The following NUCB2 variants were observed in gnomAD, a reference collection of about 807,000 sequenced individuals.
NUCB2 encodes nucleobindin-2.
Under a neutral mutation model 57.9 loss-of-function variants are expected in NUCB2, and 48 were observed. The observed-to-expected ratio is 0.83, with a 90% CI of 0.66 to 1.05. NUCB2 has a LOEUF of 1.05. Among genes scored for constraint, NUCB2 ranks in the 50% least tolerant of loss-of-function variants. The pLI is 0.00. For missense variants in NUCB2, 442 were observed against 476.2 expected, an observed-to-expected ratio of 0.93 and a Z score of 0.67; for synonymous variants, 139 against 152.1, an observed-to-expected ratio of 0.91 and a Z score of 0.64.
At chr11:17,314,625 C>G (rs992022203) in intron 10 of NUCB2, among the ~76,000 whole-genome samples, 2 of 152,134 alleles carry the variant, frequency 1.3e-5, no homozygotes, top group African/African-American at 4.8e-5. Context: ...AATGACTACG[C>G]TCATTTAAAT....
At chr11:17,308,269 A>G (rs1338132220) in intron 5 of NUCB2, among the ~76,000 whole-genome samples, 1 of 152,178 alleles carries the variant, frequency 6.6e-6, no homozygotes, top group Non-Finnish European at 1.5e-5. Context: ...ATTTTAGATC[A>G]AGAGCTGGCA....
At chr11:17,337,430 C>T (rs1046204340) in exon 2 of NUCB2, 2 of 152,138 alleles carry the variant, frequency 1.3e-5, no homozygotes, top group African/African-American at 4.8e-5. Flanking sequence ...GGATTTTTAT[C>T]CCCTGAAGAA....
At chr11:17,329,652 A>G (rs1228330488) in intron 11 of NUCB2, among the ~76,000 whole-genome samples, 1 of 152,182 alleles carries the variant, frequency 6.6e-6, no homozygotes, top group East Asian at 1.9e-4. Flanking sequence ...GTCTGCCACG[A>G]GGGAATGGGA....
At chr11:17,341,577 G>C (rs1267533316) in intron 2 of NUCB2, among the ~76,000 whole-genome samples, 2 of 152,158 alleles carry the variant, frequency 1.3e-5, no homozygotes, top group African/African-American at 4.8e-5. Flanking sequence ...AGATAATCAT[G>C]TGGTTTTTGT....
intron 2 of NUCB2, among the ~76,000 whole-genome samples, chr11:17,345,831 G>A (rs1952689406): frequency 6.6e-6 from 1 of 151,992 alleles, no homozygotes; most frequent in Non-Finnish European, 1.5e-5. Flanking sequence ...TAGATATTTG[G>A]CCTATTTTTA....
intron 2 of NUCB2, among the ~76,000 whole-genome samples, chr11:17,289,498 A>G (rs1944565821): frequency 6.6e-6 from 1 of 152,188 alleles, no homozygotes; most frequent in Admixed American, 6.5e-5. Context: ...TTATTCAGAT[A>G]CACGCTCTCA....
At chr11:17,348,015 CTT>C (rs1484356923) in intron 2 of NUCB2, among the ~76,000 whole-genome samples, 1 of 152,080 alleles carries the variant, frequency 6.6e-6, no homozygotes, top group Non-Finnish European at 1.5e-5. Context: ...ATTTTTATGT[CTT>C]TTTATTTCAT....
chr11:17,344,315 T>A (rs1240053190), intron 2 of NUCB2, among the ~76,000 whole-genome samples: 2 of 152,202 alleles, frequency 1.3e-5, no homozygotes, highest in African/African-American at 2.4e-5. Flanking sequence ...GGAAGAAACA[T>A]CTTTGATACG....
chr11:17,311,391 T>C (rs1948460899), intron 8 of NUCB2, 108 bp downstream of exon 8: 1 of 752,768 alleles, frequency 1.3e-6, no homozygotes, highest in African/African-American at 1.8e-5. Flanking sequence ...CTAGTGAGAG[T>C]AAATGGTTAG....
intron 3 of NUCB2, 143 bp from the exon 4 acceptor site, chr11:17,295,961 T>TA (rs748991391): frequency 1.3e-4 from 66 of 503,924 alleles, no homozygotes; most frequent in Non-Finnish European, 1.9e-4. Flanking sequence ...ATTTCAGAAA[T>TA]ATAGCTTTTC....
chr11:17,303,514 A>C (rs1204764412), intron 5 of NUCB2, among the ~76,000 whole-genome samples: 1 of 152,212 alleles, frequency 6.6e-6, no homozygotes, highest in Non-Finnish European at 1.5e-5. Context: ...TAAATATTAG[A>C]ATCCTTATTC....
intron 2 of NUCB2, among the ~76,000 whole-genome samples, chr11:17,288,922 C>A (rs1944365199): frequency 1.1e-5 from 1 of 88,588 alleles, no homozygotes; most frequent in Admixed American, 1.4e-4. Flanking sequence ...CACACACACA[C>A]ACACACACAC....
At chr11:17,321,840 T>C (rs1036492451) in intron 11 of NUCB2, among the ~76,000 whole-genome samples, 1 of 152,324 alleles carries the variant, frequency 6.6e-6, no homozygotes, top group East Asian at 1.9e-4. Context: ...GTTTCTCTGA[T>C]GATCAGTGAT....
intron 2 of NUCB2, among the ~76,000 whole-genome samples, chr11:17,293,789 A>C (rs1293139128): frequency 6.6e-6 from 1 of 152,234 alleles, no homozygotes; most frequent in East Asian, 1.9e-4. Context: ...AAAGGCAGAC[A>C]CAAAAGGCTA....
chr11:17,325,878 A>G (rs2139344695), intron 11 of NUCB2, among the ~76,000 whole-genome samples: 1 of 152,262 alleles, frequency 6.6e-6, no homozygotes, highest in East Asian at 1.9e-4. Flanking sequence ...TGCAAATAAT[A>G]TTTTATAACC....
intron 11 of NUCB2, among the ~76,000 whole-genome samples, chr11:17,328,704 C>T (rs189117784): frequency 1.3e-5 from 2 of 152,252 alleles, no homozygotes; most frequent in East Asian, 3.9e-4. Flanking sequence ...GGGAAGTGGG[C>T]TCCCCTCTGG....
At chr11:17,337,235 C>G (rs1951894008) in intron 1 of NUCB2, 1 of 152,132 alleles carries the variant, frequency 6.6e-6, no homozygotes, top group Non-Finnish European at 1.5e-5. Flanking sequence ...ACCATTGTTC[C>G]TGGCTGTTAA....
rs185273826 is a variant in NUCB2, at chr11:17,310,513, T to C, written c.484-312T>C. 2.3e-3 allele frequency among the ~76,000 whole-genome samples: 354 copies of C among 152,210 alleles called. 2 individuals are homozygous for C. The highest frequency in any genetic ancestry group is 8.1e-3 in the African/African-American group (336 of 41,544). ...TTAGCCGGGAGTGGTGGTGAGCGCC[T>C]GTAATCCCAGCTACTCGAGAGGCCT... On this transcript the variant is annotated intron_variant, in intron 6 of 13. Transcript: ENST00000529010.
chr11:17,331,199 T>G, intron 13 of NUCB2: 1 of 536,968 alleles, frequency 1.9e-6, no homozygotes, highest in Non-Finnish European at 3.3e-6. Flanking sequence ...ATTTGTATAA[T>G]TTGATAACCA....
Sources: allele counts gnomAD v4.1 joint callset (sites outside exome capture counted in the v4.1 genomes callset), GRCh38; gene constraint gnomAD v4.1.1; transcripts MANE v1.5; gene names NCBI Gene and HGNC (gene_info 2026-07-23, HGNC 2026-07-21).